DDO: variants seen among roughly 807,000 people sequenced by gnomAD.
DDO encodes the protein D-aspartate oxidase, DDO.
DDO carries 16 observed loss-of-function variants against 16.8 expected under a neutral mutation model. That is an observed-to-expected ratio of 0.95 (90% CI 0.65 to 1.45). The LOEUF (loss-of-function observed/expected upper bound fraction) is 1.45, where lower values mean the gene tolerates loss of function less well. Ranked by LOEUF, DDO falls within the 40% of genes most tolerant of loss-of-function variation. The pLI, the probability that DDO is intolerant of heterozygous loss-of-function variation, is 0.00. For missense variants in DDO, 429 were observed against 420.3 expected (o/e 1.02, Z -0.18); for synonymous variants, 180 against 167.2 (o/e 1.08, Z -0.59).
intron 1 of DDO, among the ~76,000 whole-genome samples, chr6:110,415,248 G>C (rs140593179): frequency 1.3e-5 from 2 of 152,200 alleles, no homozygotes; most frequent in Non-Finnish European, 2.9e-5. Flanking sequence ...CCCATGTCCA[G>C]CAACTCTCTC....
chr6:110,398,635 T>C (rs1582475306), intron 4 of DDO, among the ~76,000 whole-genome samples: 1 of 152,030 alleles, frequency 6.6e-6, no homozygotes, highest in Admixed American at 6.5e-5. Flanking sequence ...AGGGCAGACA[T>C]GGCTGGCTAA....
intron 4 of DDO, among the ~76,000 whole-genome samples, chr6:110,397,320 T>C (rs554635026): frequency 6.6e-6 from 1 of 152,366 alleles, no homozygotes; most frequent in East Asian, 1.9e-4. Context: ...ATCACTTATG[T>C]TTCATTAAGG....
chr6:110,414,977 C>T (rs187957387), intron 1 of DDO, among the ~76,000 whole-genome samples: 119 of 152,372 alleles, frequency 7.8e-4, no homozygotes, highest in African/African-American at 2.8e-3. Context: ...GATTCTCGCA[C>T]TATGAGACTT....
intron 4 of DDO, among the ~76,000 whole-genome samples, chr6:110,402,824 C>T (rs1423216010): frequency 7.2e-5 from 11 of 152,180 alleles, no homozygotes; most frequent in South Asian, 4.1e-4. Context: ...GCCATCCCCA[C>T]GCAGGAAAGC....
chr6:110,408,352 C>A lies in DDO; in HGVS notation c.263G>T (p.Gly88Val), dbSNP rs1582488939. The A allele has an allele frequency of 6.2e-7, 1 of 1,614,086 alleles. No homozygotes were observed. Among genetic ancestry groups the A allele is most frequent in the Admixed American group, 1.7e-5 (1 of 60,010 alleles). Residue 88 changes from glycine to valine, a missense_variant, in exon 3 of 5, where the codon GGT (glycine) becomes GTT (valine). By Grantham distance (109) the Gly-to-Val change is moderately radical (BLOSUM62 -3). Coordinates refer to ENST00000368924, the MANE Select transcript of DDO (RefSeq NM_001372108.2). ...IANSAEAGDAGVHLVSGWQIF... is the reference protein window; with the variant it reads ...IANSAEAGDAVVHLVSGWQIF... ...CACTTACCCTGATACCAAATGAACA[C>A]CAGCATCTCCAGCTTCTGCAGAATT...
At chr6:110,391,656 C>T (rs1773104723), downstream of DDO, 1 of 152,322 alleles carries the variant, frequency 6.6e-6, no homozygotes. Flanking sequence ...GCCCAGCCTC[C>T]TCAAGCCTCT....
chr6:110,404,385 CT>C (rs1773577238), intron 4 of DDO, among the ~76,000 whole-genome samples: 1 of 152,146 alleles, frequency 6.6e-6, no homozygotes, highest in Non-Finnish European at 1.5e-5. Context: ...AGCAAAGATT[CT>C]CTCGTCCAAA....
chr6:110,410,056 C>T (rs1773798450), intron 2 of DDO, among the ~76,000 whole-genome samples: 2 of 146,776 alleles, frequency 1.4e-5, no homozygotes, highest in South Asian at 4.3e-4. Flanking sequence ...TCATTTAATC[C>T]CCACAACAAC....
At chr6:110,403,422 C>A (rs1031533853) in intron 4 of DDO, among the ~76,000 whole-genome samples, 1 of 152,114 alleles carries the variant, frequency 6.6e-6, no homozygotes, top group African/African-American at 2.4e-5. Context: ...GATGGTGATG[C>A]TGCTAAAATT....
intron 4 of DDO, among the ~76,000 whole-genome samples, chr6:110,397,295 C>T (rs916290823): frequency 1.3e-5 from 2 of 152,142 alleles, no homozygotes; most frequent in Non-Finnish European, 2.9e-5. Context: ...GTATTCTTAT[C>T]CTCCATACCT....
At chr6:110,414,068 G>A (rs1002193301) in intron 1 of DDO, among the ~76,000 whole-genome samples, 7 of 152,076 alleles carry the variant, frequency 4.6e-5, no homozygotes, top group African/African-American at 1.2e-4. Flanking sequence ...CACCATGCCC[G>A]GCTTCATCCC....
Position 110,401,464 on chromosome 6 carries a change from T to TA in DDO, c.458+3309dup, listed in dbSNP as rs35673802. On this transcript the variant is annotated intron_variant, in intron 4 of 4. Coordinates refer to ENST00000368924, the MANE Select transcript of DDO (RefSeq NM_001372108.2). ...TGTGCCCCAAAGTAAAAAAGTGCTT[T>TA]AAAAAAAAAAAAAGCAAATCAAGTG... Among the ~76,000 whole-genome samples, 75 of 145,918 alleles carry TA rather than the reference T, an allele frequency of 5.1e-4. 1 individual carries two copies. Among genetic ancestry groups the TA allele is most frequent in the African/African-American group, 7.8e-4 (31 of 39,676 alleles).
chr6:110,409,731 G>C (rs971716597), intron 2 of DDO, among the ~76,000 whole-genome samples: 4 of 152,226 alleles, frequency 2.6e-5, no homozygotes, highest in Non-Finnish European at 5.9e-5. Context: ...AAGCTGCAGA[G>C]AGAACTAAAT....
In DDO at chr6:110,393,297, G is replaced by C. The variant is rs1196774696; in HGVS notation, c.504C>G (p.Asp168Glu). ...CAAAGGACGGATGAAGTTCCCACAG[G>C]TCTTCTATTCGCCGAGTGAGTGTCC... ...GGWTLTRRIE[D>E]LWELHPSFDI... The change falls in exon 5 of 5, where the codon GAC (aspartate) becomes GAG (glutamate). Residue 168 changes from aspartate (D) to glutamate (E), a missense_variant. Coordinates refer to ENST00000368924, the MANE Select transcript of DDO (RefSeq NM_001372108.2). 3 of 1,611,246 alleles carry C rather than the reference G, an allele frequency of 1.9e-6. No homozygotes were observed. Among genetic ancestry groups the C allele is most frequent in the Admixed American group, 3.3e-5 (2 of 59,986 alleles).
At chr6:110,408,647 G>A (rs769499641) in intron 2 of DDO, among the ~76,000 whole-genome samples, 3 of 152,246 alleles carry the variant, frequency 2.0e-5, no homozygotes, top group Non-Finnish European at 4.4e-5. Flanking sequence ...GACACATGCT[G>A]TCCAAATCTG....
rs57663802 is a variant in DDO at position 110,396,691 on chromosome 6, T to TTTTGTTTG, written c.459-3357_459-3350dup. On this transcript the variant is annotated intron_variant, in intron 4 of 4. Transcript: ENST00000368924. ...AGAGAGAATGAAGCTGGAGCTACTG[T>TTTTGTTTG]TTTGTTTGTTTGTTTGTTTGTTTGT... Among the ~76,000 whole-genome samples the TTTTGTTTG allele has an allele frequency of 1.7e-3, 255 of 150,926 alleles. 1 individual carries two copies. Among genetic ancestry groups the TTTTGTTTG allele is most frequent in the African/African-American group, 6.0e-3 (242 of 40,518 alleles).
intron 1 of DDO, among the ~76,000 whole-genome samples, chr6:110,414,117 G>A (rs1021208265): frequency 3.3e-5 from 5 of 152,178 alleles, no homozygotes; most frequent in Non-Finnish European, 7.3e-5. Flanking sequence ...ACAACCTAGG[G>A]AAGGTTGACA....
At chr6:110,403,479 T>C (rs1016918472) in intron 4 of DDO, among the ~76,000 whole-genome samples, 10 of 152,192 alleles carry the variant, frequency 6.6e-5, no homozygotes, top group African/African-American at 2.2e-4. Context: ...GCTCAAAATA[T>C]ACGTTTATCA....
At chr6:110,409,757 C>A (rs946895703) in intron 2 of DDO, among the ~76,000 whole-genome samples, 1 of 152,190 alleles carries the variant, frequency 6.6e-6, no homozygotes, top group South Asian at 2.1e-4. Flanking sequence ...CTCAAATAGA[C>A]TTTACCCAAC....
Sources: gnomAD v4.1 joint callset for allele counts (sites outside exome capture counted in the v4.1 genomes callset) on GRCh38, gnomAD v4.1.1 for gene constraint, MANE v1.5 for transcripts, NCBI Gene and HGNC (gene_info 2026-07-23, HGNC 2026-07-21) for gene names.